Variants in PTPRD observed in about 807,000 individuals in gnomAD.
PTPRD encodes the protein receptor-type tyrosine-protein phosphatase delta.
Under a neutral mutation model 214.5 loss-of-function variants are expected in PTPRD, and 34 were observed. That is an observed-to-expected ratio of 0.16 (90% CI 0.12 to 0.21). The LOEUF (loss-of-function observed/expected upper bound fraction) is 0.21, where lower values mean the gene tolerates loss of function less well. Among genes scored for constraint, PTPRD ranks in the 10% least tolerant of loss-of-function variants. The pLI, the probability that PTPRD is intolerant of heterozygous loss-of-function variation, is 1.00. For missense variants in PTPRD, 2,545 were observed against 2,398.7 expected (o/e 1.06, Z -1.27); for synonymous variants, 1,128 against 845.7 (o/e 1.33, Z -5.79).
intron 5 of PTPRD, among the ~76,000 whole-genome samples, chr9:9,877,033 C>G (rs1339708730): frequency 2.0e-5 from 3 of 152,094 alleles, no homozygotes; most frequent in African/African-American, 7.2e-5. Flanking sequence ...GCTCAAGCCA[C>G]TTATTTAAGC....
chr9:8,390,344 G>C (rs117498685), intron 36 of PTPRD, among the ~76,000 whole-genome samples: 1 of 151,908 alleles, frequency 6.6e-6, no homozygotes, highest in African/African-American at 2.4e-5. Context: ...CTAGACACTG[G>C]TCTGCTTCAA....
At chr9:8,499,135 C>G (rs2097341063) in intron 25 of PTPRD, among the ~76,000 whole-genome samples, 1 of 152,012 alleles carries the variant, frequency 6.6e-6, no homozygotes, top group Non-Finnish European at 1.5e-5. Context: ...GGACATGAAA[C>G]AATGAGTTTC....
chr9:10,328,423 G>A (rs1467933128), intron 3 of PTPRD, among the ~76,000 whole-genome samples: 2 of 151,620 alleles, frequency 1.3e-5, no homozygotes, highest in Admixed American at 6.6e-5. Context: ...GCTTTTTATG[G>A]TTTTTCAAGA....
chr9:10,052,263 A>G (rs2154155143), intron 3 of PTPRD, among the ~76,000 whole-genome samples: 1 of 152,292 alleles, frequency 6.6e-6, no homozygotes, highest in South Asian at 2.1e-4. Context: ...CTGCCTACTA[A>G]CAGAATAAAG....
At position 8,389,369 on chromosome 9, in the gene PTPRD, C is replaced by G. The variant is rs772267400; in HGVS notation, c.4249G>C (p.Asp1417His). Residue 1417 changes from aspartate (D) to histidine (H), a missense_variant, in exon 37 of 46, where the codon GAT (aspartate) becomes CAT (histidine). Coordinates refer to ENST00000381196, the MANE Select transcript of PTPRD (RefSeq NM_002839.4). ...TAGGCATTTTGCTTCCTATACCCATCTATGTAGTTGGCATTCACATAGTCA... is the reference window on the plus strand; with the variant it reads ...TAGGCATTTTGCTTCCTATACCCATGTATGTAGTTGGCATTCACATAGTCA... ...GSDYVNANYI[D>H]GYRKQNAYIA... is the part of the protein sequence containing the mutation. 2 of 1,611,916 alleles carry G rather than the reference C, an allele frequency of 1.2e-6. No homozygotes were observed. The highest frequency in any genetic ancestry group is 1.7e-6 in the Non-Finnish European group (2 of 1,178,934).
At chr9:8,694,160 A>G (rs1003758644) in intron 12 of PTPRD, among the ~76,000 whole-genome samples, 16 of 152,346 alleles carry the variant, frequency 1.1e-4, no homozygotes, top group Admixed American at 3.9e-4. Flanking sequence ...ATATATTTAA[A>G]TGCAGAGCTA....
intron 7 of PTPRD, among the ~76,000 whole-genome samples, chr9:9,684,264 C>A (rs1384350214): frequency 6.6e-6 from 1 of 151,660 alleles, no homozygotes; most frequent in Admixed American, 6.6e-5. Flanking sequence ...AGTAATCTAA[C>A]CTTATTCAAC....
At chr9:8,575,928 G>C (rs1051283728) in intron 14 of PTPRD, among the ~76,000 whole-genome samples, 3 of 152,164 alleles carry the variant, frequency 2.0e-5, no homozygotes, top group African/African-American at 7.2e-5. Flanking sequence ...AATCGACTCT[G>C]CTATACAGGA....
rs144513863 is a variant in PTPRD, at chr9:8,876,943, T to G, written c.-104+141754A>C. Among the ~76,000 whole-genome samples, 692 of 152,108 alleles carry G rather than the reference T, an allele frequency of 4.5e-3. 3 individuals are homozygous for G. The highest frequency in any genetic ancestry group is 0.016 in the African/African-American group (666 of 41,488). On this transcript the variant is annotated intron_variant, in intron 11 of 45. Coordinates refer to ENST00000381196, the MANE Select transcript of PTPRD (RefSeq NM_002839.4). Reference sequence around the variant, plus strand: ...TCTTTTTTCTTTTTCTTTATTTTTTTTTGAGAGGAAGTCTCTCTCTGTCCC... The same window carrying G: ...TCTTTTTTCTTTTTCTTTATTTTTTGTTGAGAGGAAGTCTCTCTCTGTCCC...
chr9:10,207,901 A>C (rs530635277), intron 3 of PTPRD, among the ~76,000 whole-genome samples: 1 of 152,290 alleles, frequency 6.6e-6, no homozygotes, highest in Non-Finnish European at 1.5e-5. Context: ...AAAAGGAAAA[A>C]AGTAATTTAC....
chr9:8,663,332 A>T (rs2097102767), intron 12 of PTPRD, among the ~76,000 whole-genome samples: 1 of 151,486 alleles, frequency 6.6e-6, no homozygotes, highest in Non-Finnish European at 1.5e-5. Flanking sequence ...CTCACAAGGA[A>T]AAAGCTACTA....
chr9:9,526,177 A>G (rs1451843026), intron 8 of PTPRD, among the ~76,000 whole-genome samples: 2 of 152,176 alleles, frequency 1.3e-5, no homozygotes, highest in Admixed American at 1.3e-4. Flanking sequence ...GTCATAAACT[A>G]TTTTTATTGT....
At position 9,447,314 on chromosome 9, in the gene PTPRD, C is replaced by A. The variant is rs147017074; in HGVS notation, c.-236-49832G>T. Among the ~76,000 whole-genome samples the A allele has an allele frequency of 3.1e-3, 465 of 152,150 alleles. 2 individuals carry two copies. Among genetic ancestry groups the A allele is most frequent in the Admixed American group, 4.7e-3 (72 of 15,258 alleles). Reference sequence around the variant, plus strand: ...GATAAGTAAATGTGCTATATATGTACCCCATGGAATATTAGACAGCCATAA... The same window carrying A: ...GATAAGTAAATGTGCTATATATGTAACCCATGGAATATTAGACAGCCATAA... On this transcript the variant is annotated intron_variant, in intron 8 of 45. Coordinates refer to ENST00000381196, the MANE Select transcript of PTPRD (RefSeq NM_002839.4).
chr9:9,211,822 T>G (rs942467425), intron 9 of PTPRD, among the ~76,000 whole-genome samples: 5 of 152,210 alleles, frequency 3.3e-5, no homozygotes, highest in African/African-American at 1.2e-4. Context: ...TTTTTCATTT[T>G]GAAATTAAAG....
intron 39 of PTPRD, among the ~76,000 whole-genome samples, chr9:8,372,977 A>T (rs1327062468): frequency 6.6e-6 from 1 of 152,022 alleles, no homozygotes; most frequent in African/African-American, 2.4e-5. Context: ...ATAGAAAAAA[A>T]GTTTAGTACA....
chr9:8,954,512 G>T (rs1159832632), intron 11 of PTPRD, among the ~76,000 whole-genome samples: 1 of 144,382 alleles, frequency 6.9e-6, no homozygotes, highest in Non-Finnish European at 1.5e-5. Context: ...AAAAAAGAGA[G>T]AAAGAAGAAA....
At position 9,873,150 on chromosome 9, in the gene PTPRD, G is replaced by T. The variant is rs187251078; in HGVS notation, c.-368+65357C>A. Among the ~76,000 whole-genome samples, 75 of 152,208 alleles carry T rather than the reference G, an allele frequency of 4.9e-4. 1 individual carries two copies. The highest frequency in any genetic ancestry group is 7.9e-4 in the Non-Finnish European group (54 of 68,014). On this transcript the variant is annotated intron_variant, in intron 5 of 45. Transcript: ENST00000381196. ...CTACCATAGTGAAGGAAGATCCGAC[G>T]AAGAAATATTATCAAAGAAAGACTC... is the stretch of plus-strand genomic sequence containing the variant.
chr9:10,000,670 G>A (rs563306575), intron 4 of PTPRD, among the ~76,000 whole-genome samples: 1 of 152,158 alleles, frequency 6.6e-6, no homozygotes, highest in African/African-American at 2.4e-5. Flanking sequence ...AACAGCTCCC[G>A]AAACATTTCT....
chr9:8,622,122 A>T lies in PTPRD; in HGVS notation c.352+11195T>A, dbSNP rs559391002. Among the ~76,000 whole-genome samples the T allele has an allele frequency of 2.0e-5, 3 of 151,942 alleles. No individual in the cohort carries two copies. In the South Asian group the frequency reaches 6.2e-4, roughly 31 times the overall value. Reference sequence around the variant, plus strand: ...GAGCAAAAAAGAATCATAAAAAATGATAAGTGCAGCAATAAAAAACTCCTC... The same window carrying T: ...GAGCAAAAAAGAATCATAAAAAATGTTAAGTGCAGCAATAAAAAACTCCTC... On this transcript the variant is annotated intron_variant, in intron 14 of 45. Transcript: ENST00000381196.
Sources: allele counts gnomAD v4.1 joint callset (sites outside exome capture counted in the v4.1 genomes callset), GRCh38; gene constraint gnomAD v4.1.1; transcripts MANE v1.5; gene names NCBI Gene and HGNC (gene_info 2026-07-23, HGNC 2026-07-21).